The following FGF14 variants were observed in gnomAD, a reference collection of about 807,000 sequenced individuals.
FGF14 encodes fibroblast growth factor homologous factor 4.
In FGF14, 5 loss-of-function variants were observed where a neutral mutation model predicts 25.5. That is an observed-to-expected ratio of 0.20 (90% confidence interval 0.10 to 0.41). The LOEUF (loss-of-function observed/expected upper bound fraction) is 0.41. FGF14 is among the 10% of genes least tolerant of loss of function. FGF14 has a pLI of 1.00. For synonymous variants in FGF14, 138 were observed against 118.3 expected (o/e 1.17, Z -1.08); for missense variants, 222 against 320.1 (o/e 0.69, Z 2.34).
rs2034915168 is a variant in FGF14, at chr13:101,720,663, T to G, written c.*2168A>C. 5 of 152,036 alleles carry G rather than the reference T, an allele frequency of 3.3e-5. No homozygotes were observed. The South Asian group carries it at 6.2e-4, about 19-fold the overall frequency. The allele number at this position is 152,036 out of a possible 1,614,324, so 9.4% of individuals were successfully genotyped here. A position where few individuals can be genotyped will look rare whatever the true frequency, so the allele number is the denominator to read the frequency against. ...CAAGTTAGTTAATTACTCATATAGT[T>G]GGCCACATATTATGGGATCTATGTT... On this transcript the variant is annotated 3_prime_UTR_variant, in exon 5 of 5. Coordinates refer to ENST00000376143, the MANE Select transcript of FGF14 (RefSeq NM_004115.4).
chr13:102,360,870 T>G (rs1020853575), intron 1 of FGF14, among the ~76,000 whole-genome samples: 2 of 151,900 alleles, frequency 1.3e-5, no homozygotes, highest in African/African-American at 4.8e-5. Context: ...TACTTGTGCG[T>G]GCACACACAC....
chr13:102,169,809 A>T (rs2048173336), intron 1 of FGF14, among the ~76,000 whole-genome samples: 1 of 147,688 alleles, frequency 6.8e-6, no homozygotes, highest in Non-Finnish European at 1.5e-5. Context: ...CTTGGCAATG[A>T]TGGGCAAGTT....
At chr13:101,910,451 G>A (rs2139069214) in intron 1 of FGF14, among the ~76,000 whole-genome samples, 1 of 152,184 alleles carries the variant, frequency 6.6e-6, no homozygotes, top group South Asian at 2.1e-4. Context: ...CAATGACTTT[G>A]AAGTGGCCCT....
intron 1 of FGF14, among the ~76,000 whole-genome samples, chr13:102,121,465 T>C (rs2045721796): frequency 6.6e-6 from 1 of 152,174 alleles, no homozygotes; most frequent in South Asian, 2.1e-4. Context: ...ATTCATCATT[T>C]ACTACTAATA....
chr13:102,035,591 G>A (rs1018246423), intron 1 of FGF14, among the ~76,000 whole-genome samples: 10 of 152,118 alleles, frequency 6.6e-5, no homozygotes, highest in African/African-American at 2.4e-4. Flanking sequence ...CAAATGCATT[G>A]CATTGCTAAC....
chr13:101,715,413 A>G lies in FGF14; in HGVS notation c.*7418T>C, dbSNP rs2034672465. On this transcript the variant is annotated 3_prime_UTR_variant, in exon 5 of 5. Coordinates refer to ENST00000376143, the MANE Select transcript of FGF14 (RefSeq NM_004115.4). The stretch of plus-strand genomic sequence containing the variant: ...ATTAGATGTCTCGCAGCTGCTTAAT[A>G]AGATGTAATAATAACATCATTGCAC... 2 of 658,924 alleles carry G rather than the reference A, an allele frequency of 3.0e-6. No homozygotes were observed. Among genetic ancestry groups the G allele is most frequent in the Non-Finnish European group, 5.5e-6 (2 of 366,122 alleles). The allele number at this position is 658,924 out of a possible 1,614,324, so 40.8% of individuals were successfully genotyped here.
At chr13:101,870,190 T>C (rs768492654) in intron 2 of FGF14, among the ~76,000 whole-genome samples, 46 of 152,146 alleles carry the variant, frequency 3.0e-4, no homozygotes, top group Non-Finnish European at 2.9e-4. Flanking sequence ...CATTATTTAA[T>C]ATTAAATATA....
chr13:101,966,568 C>T (rs745408388), intron 1 of FGF14, among the ~76,000 whole-genome samples: 34 of 152,046 alleles, frequency 2.2e-4, no homozygotes, highest in Admixed American at 3.3e-4. Context: ...CTGCAACCTC[C>T]GCCTCCCAGG....
At chr13:101,996,359 T>C (rs745315456) in intron 1 of FGF14, among the ~76,000 whole-genome samples, 7 of 152,212 alleles carry the variant, frequency 4.6e-5, no homozygotes, top group African/African-American at 1.7e-4. Flanking sequence ...TAGTGACTAA[T>C]TCCCTTATTT....
chr13:102,046,253 C>T (rs1040572820), intron 1 of FGF14, among the ~76,000 whole-genome samples: 1 of 152,070 alleles, frequency 6.6e-6, no homozygotes, highest in Admixed American at 6.6e-5. Context: ...AACCATATAT[C>T]AATATCATAG....
chr13:102,351,453 T>C (rs1467731648), intron 1 of FGF14, among the ~76,000 whole-genome samples: 1 of 152,254 alleles, frequency 6.6e-6, no homozygotes, highest in African/African-American at 2.4e-5. Context: ...AGTATTTAAA[T>C]TGAATTAAAC....
chr13:102,198,795 G>A (rs946419260), intron 1 of FGF14, among the ~76,000 whole-genome samples: 19 of 152,140 alleles, frequency 1.2e-4, no homozygotes, highest in African/African-American at 4.6e-4. Flanking sequence ...TGGGATGAGG[G>A]GAGGTATTTT....
chr13:101,756,468 C>T (rs2037657582), intron 3 of FGF14, among the ~76,000 whole-genome samples: 1 of 152,198 alleles, frequency 6.6e-6, no homozygotes, highest in South Asian at 2.1e-4. Context: ...GGCACGGTGG[C>T]TCACGCCTGT....
intron 1 of FGF14, among the ~76,000 whole-genome samples, chr13:101,973,582 A>G (rs1178985692): frequency 6.6e-6 from 1 of 152,202 alleles, no homozygotes; most frequent in African/African-American, 2.4e-5. Flanking sequence ...GAGTTCCAAA[A>G]CTGAAGAAAT....
At chr13:101,842,225 C>T (rs186235459) in intron 3 of FGF14, among the ~76,000 whole-genome samples, 69 of 152,048 alleles carry the variant, frequency 4.5e-4, no homozygotes, top group African/African-American at 1.5e-3. Flanking sequence ...AGAAAACAGG[C>T]GTCAGAGGTT....
At chr13:101,891,768 C>G (rs2138896444) in intron 1 of FGF14, among the ~76,000 whole-genome samples, 1 of 152,134 alleles carries the variant, frequency 6.6e-6, no homozygotes, top group South Asian at 2.1e-4. Context: ...TTAACCCAAT[C>G]AGAAATTTAA....
intron 1 of FGF14, among the ~76,000 whole-genome samples, chr13:102,286,972 A>G (rs1460988748): frequency 6.7e-6 from 1 of 149,618 alleles, no homozygotes; most frequent in African/African-American, 2.5e-5. Context: ...TTGAGCTTTA[A>G]TAGTCATGGG....
chr13:102,273,690 C>T (rs1317543896), intron 1 of FGF14, among the ~76,000 whole-genome samples: 4 of 152,008 alleles, frequency 2.6e-5, no homozygotes, highest in Non-Finnish European at 5.9e-5. Flanking sequence ...AAATGCTTTT[C>T]CACCTCTTAA....
chr13:102,331,214 C>CCAGAT (rs2056623914), intron 1 of FGF14, among the ~76,000 whole-genome samples: 1 of 152,080 alleles, frequency 6.6e-6, no homozygotes, highest in East Asian at 1.9e-4. Context: ...TTACATTGTC[C>CCAGAT]CAGATCAAAA....
Sources: gnomAD v4.1 joint callset for allele counts (sites outside exome capture counted in the v4.1 genomes callset) on GRCh38, gnomAD v4.1.1 for gene constraint, MANE v1.5 for transcripts, NCBI Gene and HGNC (gene_info 2026-07-23, HGNC 2026-07-21) for gene names.